ST18: variants seen among roughly 807,000 people sequenced by gnomAD.
The protein encoded by ST18 is suppression of tumorigenicity 18 protein.
Under a neutral mutation model 110.0 loss-of-function variants are expected in ST18, and 50 were observed. The ratio of observed to expected loss-of-function variants is 0.45; its 90% CI spans 0.36 to 0.58. The LOEUF is 0.58. ST18 is among the 20% of genes least tolerant of loss of function. The pLI, the probability that ST18 is intolerant of heterozygous loss-of-function variation, is 0.00. For synonymous variants in ST18, 461 were observed against 452.4 expected (o/e 1.02, Z -0.24); for missense variants, 1,306 against 1,280.1 (o/e 1.02, Z -0.31).
At chr8:52,359,290 T>C (rs542066605) in intron 2 of ST18, among the ~76,000 whole-genome samples, 1 of 152,230 alleles carries the variant, frequency 6.6e-6, no homozygotes, top group South Asian at 2.1e-4. Context: ...TACACGACAC[T>C]GTGAATCTAC....
intron 11 of ST18, among the ~76,000 whole-genome samples, chr8:52,165,590 C>A (rs73679145): frequency 0.011 from 1,717 of 152,280 alleles, 30 homozygotes; most frequent in African/African-American, 0.038. Context: ...CTTTTCCCTG[C>A]AGTTTGAAGT....
chr8:52,343,388 T>G (rs1816114513), intron 2 of ST18, among the ~76,000 whole-genome samples: 1 of 152,174 alleles, frequency 6.6e-6, no homozygotes, highest in Admixed American at 6.5e-5. Flanking sequence ...TGATCATATC[T>G]TTTACTCACA....
intron 3 of ST18, 170 bp from the exon 4 acceptor site, chr8:52,221,963 C>G (rs780286718): frequency 1.3e-5 from 2 of 151,866 alleles, no homozygotes; most frequent in Admixed American, 1.3e-4. Context: ...TCTATTGCGC[C>G]CTCAGTTCAG....
chr8:52,362,500 G>A (rs1223131483), intron 2 of ST18, among the ~76,000 whole-genome samples: 2 of 152,154 alleles, frequency 1.3e-5, no homozygotes, highest in African/African-American at 4.8e-5. Context: ...AGATTAAACA[G>A]TCATAGTACA....
chr8:52,332,529 G>A (rs913373608), intron 2 of ST18, among the ~76,000 whole-genome samples: 6 of 104,034 alleles, frequency 5.8e-5, no homozygotes, highest in Non-Finnish European at 1.1e-4. Flanking sequence ...ATCTAATGTA[G>A]CTTTTTTTTT....
chr8:52,190,163 T>TA (rs2074001657), intron 8 of ST18, among the ~76,000 whole-genome samples: 2 of 152,168 alleles, frequency 1.3e-5, no homozygotes, highest in African/African-American at 2.4e-5. Flanking sequence ...CACAAAATTT[T>TA]AAAAAATATT....
At chr8:52,353,911 A>G (rs1322684861) in intron 2 of ST18, among the ~76,000 whole-genome samples, 2 of 152,212 alleles carry the variant, frequency 1.3e-5, no homozygotes, top group Non-Finnish European at 1.5e-5. Flanking sequence ...ATATTGGCCC[A>G]TGGTGTAGCT....
intron 9 of ST18, among the ~76,000 whole-genome samples, chr8:52,177,999 C>A (rs938926344): frequency 1.3e-5 from 2 of 152,146 alleles, no homozygotes; most frequent in African/African-American, 4.8e-5. Flanking sequence ...GAAATATAAA[C>A]ATAGTTAGCC....
intron 2 of ST18, chr8:52,246,521 C>T (rs189536599): frequency 6.6e-6 from 1 of 150,682 alleles, no homozygotes; most frequent in Admixed American, 6.6e-5. Context: ...ACTAATAAAA[C>T]TCTGCATAAT....
intron 23 of ST18, among the ~76,000 whole-genome samples, chr8:52,120,601 T>C (rs1412316946): frequency 6.6e-6 from 1 of 152,112 alleles, no homozygotes; most frequent in Non-Finnish European, 1.5e-5. Flanking sequence ...GAGTGCCCCA[T>C]GGACAGCAAG....
chr8:52,155,921 G>A (rs1243673113), intron 15 of ST18, among the ~76,000 whole-genome samples: 1 of 152,248 alleles, frequency 6.6e-6, no homozygotes, highest in Middle Eastern at 3.4e-3. Context: ...GTGCCCATGG[G>A]TGACAGTAAG....
chr8:52,230,413 G>GAA, intron 2 of ST18, among the ~76,000 whole-genome samples: 1 of 133,294 alleles, frequency 7.5e-6, no homozygotes, highest in African/African-American at 2.8e-5. Flanking sequence ...CTTTTCTGAA[G>GAA]AAAAAAAAAA....
In ST18 at chr8:52,136,495, G is replaced by T; in HGVS notation, c.2300+95C>A. 7 of 1,260,454 alleles carry T rather than the reference G, an allele frequency of 5.6e-6. No individual in the cohort carries two copies. The East Asian group carries it at 1.2e-4, about 22-fold the overall frequency. The allele number at this position is 1,260,454 out of a possible 1,614,324, so 78.1% of individuals were successfully genotyped here. ...GTGATCCTGGCAGGCAGGACATACT[G>T]CTTGTTGCTGATCACTTGGGCAATG... On this transcript the variant is annotated intron_variant, in intron 19 of 25. Coordinates refer to ENST00000689386, the MANE Select transcript of ST18 (RefSeq NM_001352837.2).
At chr8:52,405,371 C>T (rs1489832130) in intron 2 of ST18, 1 of 152,220 alleles carries the variant, frequency 6.6e-6, no homozygotes, top group East Asian at 1.9e-4. Context: ...TGCCTATGCG[C>T]AGTCCAGTCC....
intron 2 of ST18, among the ~76,000 whole-genome samples, chr8:52,362,660 T>C (rs955379406): frequency 6.6e-6 from 1 of 152,214 alleles, no homozygotes; most frequent in Non-Finnish European, 1.5e-5. Flanking sequence ...ATATAATTTT[T>C]CAGTGCCCTT....
intron 8 of ST18, among the ~76,000 whole-genome samples, 158 bp from the exon 9 acceptor site, chr8:52,180,470 C>A (rs1313235384): frequency 6.6e-6 from 1 of 152,090 alleles, no homozygotes; most frequent in Non-Finnish European, 1.5e-5. Context: ...TCTGTGGACT[C>A]CACTGAACTG....
rs1039764738 is a variant in ST18 at position 52,341,790 on chromosome 8, G to A, written c.-465+67538C>T. Reference sequence around the variant, plus strand: ...CTGCATCCAAGATCCGTGGCTTTCAGAGCTGTACTGTCGGACACAGAGCAG... The same window carrying A: ...CTGCATCCAAGATCCGTGGCTTTCAAAGCTGTACTGTCGGACACAGAGCAG... On this transcript the variant is annotated intron_variant, in intron 2 of 25. Transcript: ENST00000689386. Among the ~76,000 whole-genome samples the A allele has an allele frequency of 3.3e-5, 5 of 152,304 alleles. 1 individual carries two copies. In the South Asian group the frequency reaches 1.0e-3, roughly 32 times the overall value.
intron 2 of ST18, among the ~76,000 whole-genome samples, chr8:52,388,313 T>C (rs114932414): frequency 0.011 from 1,673 of 151,962 alleles, 24 homozygotes; most frequent in African/African-American, 0.039. Context: ...TCCCGGGAGC[T>C]GCAGAGCCTC....
At chr8:52,131,711 A>G (rs2131525828) in intron 22 of ST18, among the ~76,000 whole-genome samples, 1 of 152,368 alleles carries the variant, frequency 6.6e-6, no homozygotes, top group East Asian at 1.9e-4. Flanking sequence ...ATTTTAGAAT[A>G]CAAATAAAAC....
Sources: allele counts gnomAD v4.1 joint callset (sites outside exome capture counted in the v4.1 genomes callset), GRCh38; gene constraint gnomAD v4.1.1; transcripts MANE v1.5; gene names NCBI Gene and HGNC (gene_info 2026-07-23, HGNC 2026-07-21).